Variants in ZNF704 observed in about 807,000 individuals in gnomAD.
ZNF704 encodes glucocorticoid induced gene 1.
A neutral mutation model predicts 44.7 loss-of-function variants in ZNF704; 10 were observed. The ratio of observed to expected loss-of-function variants is 0.22; its 90% CI spans 0.14 to 0.38. ZNF704 has a LOEUF of 0.38. Among genes scored for constraint, ZNF704 ranks in the 10% least tolerant of loss-of-function variants. ZNF704 has a pLI of 1.00. For synonymous variants in ZNF704, 211 were observed against 207.6 expected (o/e 1.02, Z -0.14); for missense variants, 390 against 545.5 (o/e 0.71, Z 2.84).
chr8:80,744,434 AAT>A (rs1185356510), intron 2 of ZNF704, among the ~76,000 whole-genome samples: 6 of 152,184 alleles, frequency 3.9e-5, no homozygotes, highest in Admixed American at 3.3e-4. Context: ...CACAAAATGA[AAT>A]ATGTCACAAA....
intron 2 of ZNF704, among the ~76,000 whole-genome samples, chr8:80,747,736 G>A (rs867314893): frequency 3.3e-5 from 5 of 152,048 alleles, no homozygotes; most frequent in African/African-American, 4.8e-5. Flanking sequence ...TTGTTTTTTT[G>A]AGACGGAGTC....
intron 4 of ZNF704, among the ~76,000 whole-genome samples, chr8:80,684,393 TAA>T (rs1818501223): frequency 6.6e-6 from 1 of 152,208 alleles, no homozygotes; most frequent in African/African-American, 2.4e-5. Flanking sequence ...TTTTATTGAT[TAA>T]AGAGTGACTC....
chr8:80,651,604 G>C (rs1049411789), intron 7 of ZNF704, among the ~76,000 whole-genome samples: 3 of 152,030 alleles, frequency 2.0e-5, no homozygotes, highest in Non-Finnish European at 2.9e-5. Flanking sequence ...ATCAATTCAA[G>C]AAGAAGAGCT....
chr8:80,765,809 TAAG>T lies in ZNF704; in HGVS notation c.221+55562_221+55564del, dbSNP rs1807217387. 2.0e-5 allele frequency among the ~76,000 whole-genome samples: 3 copies of T among 152,276 alleles called. No homozygotes were observed. In the South Asian group the frequency reaches 6.2e-4, roughly 32 times the overall value. ...TTCATTAGATCATAAAAATTATAGA[TAAG>T]AATTATGATCAACACCGATCTCTTG... On this transcript the variant is annotated intron_variant, in intron 2 of 8. Coordinates refer to ENST00000327835, the MANE Select transcript of ZNF704 (RefSeq NM_001033723.3).
chr8:80,796,326 A>T (rs1807800004), intron 2 of ZNF704, among the ~76,000 whole-genome samples: 1 of 152,184 alleles, frequency 6.6e-6, no homozygotes, highest in Admixed American at 6.5e-5. Context: ...TAAAGCCAGC[A>T]GTCTCACTCT....
intron 2 of ZNF704, among the ~76,000 whole-genome samples, chr8:80,758,257 G>A (rs1171429154): frequency 6.6e-6 from 1 of 152,204 alleles, no homozygotes; most frequent in Non-Finnish European, 1.5e-5. Context: ...GAGCAGAGGT[G>A]CATTAAAAGC....
chr8:80,697,992 G>A (rs773606151), intron 2 of ZNF704, among the ~76,000 whole-genome samples: 10 of 152,188 alleles, frequency 6.6e-5, no homozygotes, highest in Admixed American at 1.3e-4. Flanking sequence ...TCGGTGCTTT[G>A]GCAAAGATAC....
At chr8:80,829,015 AG>A (rs1808425041) in intron 1 of ZNF704, among the ~76,000 whole-genome samples, 1 of 152,214 alleles carries the variant, frequency 6.6e-6, no homozygotes, top group South Asian at 2.1e-4. Context: ...CCAGCTCCAC[AG>A]GAAGATTGTC....
chr8:80,821,393 T>C lies in ZNF704; in HGVS notation c.202A>G (p.Ile68Val), dbSNP rs1808266449. 3 of 1,613,718 alleles carry C rather than the reference T, an allele frequency of 1.9e-6. No individual in the cohort carries two copies. The highest frequency in any genetic ancestry group is 2.2e-5 in the East Asian group (1 of 44,884). Residue 68 changes from isoleucine (I) to valine (V), a missense_variant, in exon 2 of 9, where the codon ATT becomes GTT. This residue lies in a region of ZNF704 where 80 missense variants were observed against 83.7 expected (regional missense o/e 0.96). Transcript: ENST00000327835. ...CCTTACCTTGCTGGAGGAACATCAA[T>C]GTTGGAGGAAACAACTTTTCTTTTT... is the stretch of plus-strand genomic sequence containing the variant. ...EQKRKVVSSN[I>V]DVPPARKSSE...
chr8:80,871,459 T>C (rs1809250952), intron 1 of ZNF704, among the ~76,000 whole-genome samples: 2 of 152,236 alleles, frequency 1.3e-5, no homozygotes, highest in Non-Finnish European at 2.9e-5. Context: ...CAGAGAGATC[T>C]CACCCACAGT....
Position 80,821,405 on chromosome 8 carries a change from C to A in ZNF704, c.190G>T (p.Val64Phe). The change falls in exon 2 of 9, where the codon GTT (valine) becomes TTT (phenylalanine). Residue 64 changes from valine (V) to phenylalanine (F), a missense_variant. Transcript: ENST00000327835. ...GGAGGAACATCAATGTTGGAGGAAA[C>A]AACTTTTCTTTTTTGCTCAAGGAGA... ...ICLLEQKRKV[V>F]SSNIDVPPAR... 1.2e-6 allele frequency: 2 copies of A among 1,613,706 alleles called. No homozygotes were observed. Among genetic ancestry groups the A allele is most frequent in the Non-Finnish European group, 1.7e-6 (2 of 1,179,926 alleles).
Position 80,707,047 on chromosome 8 carries a change from G to A in ZNF704, c.222-13940C>T, listed in dbSNP as rs148410135. Among the ~76,000 whole-genome samples the A allele has an allele frequency of 5.6e-3, 851 of 152,200 alleles. 8 individuals carry two copies. The highest frequency in any genetic ancestry group is 0.019 in the African/African-American group (784 of 41,516). On this transcript the variant is annotated intron_variant, in intron 2 of 8. Transcript: ENST00000327835. ...AATATTTATTGAGCATTCATGACACGTATACACTATTTTAAACTGCCACTG... is the reference window on the plus strand; with the variant it reads ...AATATTTATTGAGCATTCATGACACATATACACTATTTTAAACTGCCACTG...
chr8:80,764,454 TG>T (rs1400689409), intron 2 of ZNF704, among the ~76,000 whole-genome samples: 1 of 152,028 alleles, frequency 6.6e-6, no homozygotes, highest in Admixed American at 6.6e-5. Flanking sequence ...CAAGAATACA[TG>T]GGGGAAACTG....
At chr8:80,777,820 A>G (rs1366330563) in intron 2 of ZNF704, among the ~76,000 whole-genome samples, 1 of 151,462 alleles carries the variant, frequency 6.6e-6, no homozygotes, top group Non-Finnish European at 1.5e-5. Flanking sequence ...CAGAGGTTGC[A>G]TTGAGCCGAG....
At chr8:80,728,986 G>A (rs1055454730) in intron 2 of ZNF704, among the ~76,000 whole-genome samples, 1 of 152,114 alleles carries the variant, frequency 6.6e-6, no homozygotes, top group Admixed American at 6.5e-5. Flanking sequence ...GAACCGAAAC[G>A]ACCGTTATGA....
At chr8:80,642,320 A>G (rs1817756289) in intron 8 of ZNF704, among the ~76,000 whole-genome samples, 1 of 152,190 alleles carries the variant, frequency 6.6e-6, no homozygotes, top group Non-Finnish European at 1.5e-5. Flanking sequence ...GAAGCACTTT[A>G]TAGCTTGTCT....
intron 1 of ZNF704, among the ~76,000 whole-genome samples, chr8:80,872,843 G>A (rs1473273000): frequency 2.0e-5 from 3 of 151,776 alleles, no homozygotes; most frequent in Non-Finnish European, 4.4e-5. Flanking sequence ...CCCTTTTCCT[G>A]GTTTCCTCTT....
At chr8:80,878,479 T>A (rs1809388354), upstream of ZNF704, among the ~76,000 whole-genome samples, 1 of 152,204 alleles carries the variant, frequency 6.6e-6, no homozygotes, top group African/African-American at 2.4e-5. Context: ...GAAACTTTAA[T>A]AGTTGGATTT....
At chr8:80,855,838 G>C (rs1265772666) in intron 1 of ZNF704, among the ~76,000 whole-genome samples, 1 of 152,166 alleles carries the variant, frequency 6.6e-6, no homozygotes, top group African/African-American at 2.4e-5. Flanking sequence ...AGGTAACGAA[G>C]ACTATAGTGA....
Sources: gnomAD v4.1 joint callset for allele counts (sites outside exome capture counted in the v4.1 genomes callset) on GRCh38, gnomAD v4.1.1 for gene constraint, gnomAD v4.1.1 regional missense constraint, MANE v1.5 for transcripts, NCBI Gene and HGNC (gene_info 2026-07-23, HGNC 2026-07-21) for gene names.